PRKCI: variants seen among roughly 807,000 people sequenced by gnomAD.
The protein encoded by PRKCI is protein kinase C iota, also known as protein kinase C iota type.
A neutral mutation model predicts 84.0 loss-of-function variants in PRKCI; 43 were observed. The observed-to-expected ratio is 0.51, with a 90% confidence interval of 0.40 to 0.66. The LOEUF is 0.66. Among genes scored for constraint, PRKCI ranks in the 30% least tolerant of loss-of-function variants. The probability of loss-of-function intolerance (pLI) is 0.00; values close to 1 mark genes in which losing one functional copy is unlikely to be tolerated. For missense variants in PRKCI, 459 were observed against 745.6 expected, an observed-to-expected ratio of 0.62 and a Z score of 4.48; for synonymous variants, 216 against 234.4, an observed-to-expected ratio of 0.92 and a Z score of 0.72.
In PRKCI at chr3:170,248,033, A is replaced by G. The variant is rs1733334294; in HGVS notation, c.224-11936A>G. On this transcript the variant is annotated intron_variant, in intron 2 of 17. Transcript: ENST00000295797. ...ATCCAGAGGCAGGATGGCAGTACGA[A>G]GGTCCTAGTGGGAACAGAGAGTGAG... Among the ~76,000 whole-genome samples the G allele has an allele frequency of 2.6e-5, 4 of 152,294 alleles. No homozygotes were observed. In the South Asian group the frequency reaches 8.3e-4, roughly 32 times the overall value.
chr3:170,268,162 T>G (rs1199753069), intron 5 of PRKCI, among the ~76,000 whole-genome samples, 162 bp downstream of exon 5: 1 of 152,234 alleles, frequency 6.6e-6, no homozygotes, highest in Non-Finnish European at 1.5e-5. Context: ...TGCCTATAAT[T>G]TTTAATAGCA....
chr3:170,270,401 T>C lies in PRKCI; in HGVS notation c.451-20T>C, dbSNP rs372549821. The C allele has an allele frequency of 6.3e-7, 1 of 1,577,386 alleles. No homozygotes were observed. The highest frequency in any genetic ancestry group is 8.6e-7 in the Non-Finnish European group (1 of 1,156,920). On this transcript the variant is annotated intron_variant, in intron 5 of 17. Transcript: ENST00000295797. ...ATGACCTTCTTGGTTAATAAAATATTGTTGAATTACTCTTTTCAGCGTGCT... is the reference window on the plus strand; with the variant it reads ...ATGACCTTCTTGGTTAATAAAATATCGTTGAATTACTCTTTTCAGCGTGCT...
intron 6 of PRKCI, among the ~76,000 whole-genome samples, chr3:170,272,840 C>T (rs1734033618): frequency 6.6e-6 from 1 of 151,980 alleles, no homozygotes; most frequent in Non-Finnish European, 1.5e-5. Flanking sequence ...CCACTGACAC[C>T]CTTGAGAATC....
chr3:170,263,538 A>G, intron 4 of PRKCI, 109 bp downstream of exon 4: 2 of 889,402 alleles, frequency 2.2e-6, no homozygotes, highest in Middle Eastern at 6.2e-4. Flanking sequence ...ACAGTGGCTA[A>G]TGCCTGTAAT....
At chr3:170,223,322 A>G (rs988451843) in intron 1 of PRKCI, among the ~76,000 whole-genome samples, 1 of 152,186 alleles carries the variant, frequency 6.6e-6, no homozygotes, top group Non-Finnish European at 1.5e-5. Context: ...TTTAAGAATC[A>G]AGTCGATGCG....
intron 12 of PRKCI, among the ~76,000 whole-genome samples, chr3:170,291,148 A>AAAG (rs200262754): frequency 0.039 from 5,621 of 145,582 alleles, 179 homozygotes; most frequent in East Asian, 0.086. Flanking sequence ...AAAAAAAAAA[A>AAAG]GTGTTCTTAG....
intron 12 of PRKCI, among the ~76,000 whole-genome samples, chr3:170,288,759 A>C (rs1734464942): frequency 6.6e-6 from 1 of 152,170 alleles, no homozygotes; most frequent in African/African-American, 2.4e-5. Context: ...TCCGCCTCAA[A>C]ATATATACAT....
chr3:170,265,829 G>T (rs896821396), intron 4 of PRKCI, among the ~76,000 whole-genome samples: 6 of 151,568 alleles, frequency 4.0e-5, no homozygotes, highest in African/African-American at 1.2e-4. Flanking sequence ...TAGAGTGCTA[G>T]CCAGGATGGT....
chr3:170,264,365 C>T (rs1187535180), intron 4 of PRKCI, among the ~76,000 whole-genome samples: 1 of 152,090 alleles, frequency 6.6e-6, no homozygotes, highest in Non-Finnish European at 1.5e-5. Flanking sequence ...TTGCAACCTT[C>T]ACCTCTGGGG....
chr3:170,263,012 T>C (rs1019147558), intron 3 of PRKCI, among the ~76,000 whole-genome samples: 1 of 151,450 alleles, frequency 6.6e-6, no homozygotes, highest in African/African-American at 2.4e-5. Flanking sequence ...CTACTAAAAA[T>C]ACAAAAATTA....
intron 2 of PRKCI, among the ~76,000 whole-genome samples, chr3:170,253,199 A>G (rs1294503983): frequency 6.6e-6 from 1 of 152,148 alleles, no homozygotes; most frequent in Non-Finnish European, 1.5e-5. Flanking sequence ...TTTTGGGTGT[A>G]TATCTAGTGG....
chr3:170,222,796 G>T, intron 1 of PRKCI, 26 bp downstream of exon 1: 1 of 1,587,974 alleles, frequency 6.3e-7, no homozygotes, highest in Admixed American at 1.7e-5. Context: ...CAGGGCGGTG[G>T]GCGGGAGGGG....
intron 2 of PRKCI, among the ~76,000 whole-genome samples, chr3:170,238,608 T>G (rs1733042969): frequency 6.6e-6 from 1 of 150,868 alleles, no homozygotes; most frequent in Non-Finnish European, 1.5e-5. Context: ...TTTTTTTTTT[T>G]TTTGAGACAG....
intron 8 of PRKCI, among the ~76,000 whole-genome samples, chr3:170,279,921 C>T (rs1403354767): frequency 1.3e-5 from 2 of 152,088 alleles, no homozygotes; most frequent in Non-Finnish European, 2.9e-5. Context: ...TTTTTTAATT[C>T]CTGCATCTCT....
In PRKCI at chr3:170,224,559, T is replaced by G. The variant is rs982261006; in HGVS notation, c.101+1789T>G. ...TTGTTTTTGAGACAGGGTCTTACTC[T>G]GTTACCCATGCTGGAGTGCAGTGGC... On this transcript the variant is annotated intron_variant, in intron 1 of 17. Coordinates refer to ENST00000295797, the MANE Select transcript of PRKCI (RefSeq NM_002740.6). 1.4e-4 allele frequency among the ~76,000 whole-genome samples: 21 copies of G among 152,336 alleles called. No individual in the cohort carries two copies. In the East Asian group the frequency reaches 1.5e-3, roughly 11 times the overall value.
chr3:170,239,335 C>G (rs896415721), intron 2 of PRKCI, among the ~76,000 whole-genome samples: 7 of 152,114 alleles, frequency 4.6e-5, no homozygotes, highest in Non-Finnish European at 1.0e-4. Flanking sequence ...ATGTCTTCAG[C>G]CAGAAAATGA....
chr3:170,286,485 CTTTTTTTT>C (rs34674664), intron 12 of PRKCI, among the ~76,000 whole-genome samples: 1 of 65,582 alleles, frequency 1.5e-5, no homozygotes, highest in Admixed American at 2.2e-4. Flanking sequence ...AACAATGAGG[CTTTTTTTT>C]TTTTTTTTTT....
chr3:170,274,201 G>A lies in PRKCI; in HGVS notation c.646+861G>A, dbSNP rs191326645. 2.6e-4 allele frequency among the ~76,000 whole-genome samples: 40 copies of A among 152,032 alleles called. No individual in the cohort carries two copies. The South Asian group carries it at 2.7e-3, about 10-fold the overall frequency. The stretch of plus-strand genomic sequence containing the variant: ...AGCTGGAATGCAGTGGCGTGATCTC[G>A]GCTCACTGCATCCTCCACCTCCCAG... On this transcript the variant is annotated intron_variant, in intron 7 of 17. Transcript: ENST00000295797.
chr3:170,241,114 A>G (rs1471156498), intron 2 of PRKCI, among the ~76,000 whole-genome samples: 1 of 152,212 alleles, frequency 6.6e-6, no homozygotes, highest in Non-Finnish European at 1.5e-5. Context: ...ATGTTTCAAT[A>G]CATGTATATG....
Sources: allele counts gnomAD v4.1 joint callset (sites outside exome capture counted in the v4.1 genomes callset), GRCh38; gene constraint gnomAD v4.1.1; transcripts MANE v1.5; gene names NCBI Gene and HGNC (gene_info 2026-07-23, HGNC 2026-07-21).